The following MFN1 variants were observed in gnomAD, a reference collection of about 807,000 sequenced individuals.
MFN1 encodes mitofusin-1.
A neutral mutation model predicts 92.4 loss-of-function variants in MFN1; 65 were observed. The ratio of observed to expected loss-of-function variants is 0.70; its 90% CI spans 0.58 to 0.86. The LOEUF is 0.86. MFN1 is among the 40% of genes least tolerant of loss of function. MFN1 has a pLI of 0.00. For missense variants in MFN1, 781 were observed against 868.0 expected (o/e 0.90, Z 1.26); for synonymous variants, 297 against 300.9 (o/e 0.99, Z 0.13).
At chr3:179,374,528 C>CT (rs1052112107) in intron 9 of MFN1, among the ~76,000 whole-genome samples, 10 of 151,502 alleles carry the variant, frequency 6.6e-5, no homozygotes, top group African/African-American at 2.4e-4. Flanking sequence ...TTATAAAACA[C>CT]TGATTTATAA....
At position 179,386,604 on chromosome 3, in the gene MFN1, G is replaced by A. The variant is rs140387465; in HGVS notation, c.1987G>A (p.Ala663Thr). The change falls in exon 16 of 18, where the codon GCA becomes ACA. Residue 663 changes from alanine to threonine, a missense_variant. Physicochemically the swap from Ala to Thr is moderately conservative, Grantham distance 58 (BLOSUM62 0). Coordinates refer to ENST00000471841, the MANE Select transcript of MFN1 (RefSeq NM_033540.3). ...KLRMIVSSTS[A>T]NCSHQVKQQI... The stretch of plus-strand genomic sequence containing the variant: ...GAGGATGATTGTTAGCTCCACGAGT[G>A]CAAACTGCAGTCACCAAGTAAAACA... 5 of 1,610,884 alleles carry A rather than the reference G, an allele frequency of 3.1e-6. No individual in the cohort carries two copies. In the African/African-American group the frequency reaches 5.4e-5, roughly 17 times the overall value.
In MFN1 at chr3:179,392,224, T is replaced by C. The variant is rs758379981; in HGVS notation, c.*165T>C. On this transcript the variant is annotated 3_prime_UTR_variant, in exon 18 of 18. Coordinates refer to ENST00000471841, the MANE Select transcript of MFN1 (RefSeq NM_033540.3). ...AATGATCTGTCTCAGGGTATGTGTA[T>C]TTTTGAAGAGTGTTATGTCCTTAGT... The C allele has an allele frequency of 8.8e-5, 43 of 490,396 alleles. No homozygotes were observed. The highest frequency in any genetic ancestry group is 1.5e-4 in the Non-Finnish European group (40 of 272,340). The allele number at this position is 490,396 out of a possible 1,614,324, so 30.4% of individuals were successfully genotyped here.
chr3:179,382,844 G>A (rs957361614), intron 14 of MFN1, among the ~76,000 whole-genome samples: 7 of 152,144 alleles, frequency 4.6e-5, no homozygotes, highest in Admixed American at 2.0e-4. Flanking sequence ...ATTTTTTCAC[G>A]TGTCTATTGG....
At position 179,393,353 on chromosome 3, in the gene MFN1, A is replaced by C. The variant is rs1208471419; in HGVS notation, c.*1294A>C. ...TTGTTAGAAATGCACAATCCCGGGG[A>C]ACGCAGTACATTTGGCCACATGTAG... On this transcript the variant is annotated 3_prime_UTR_variant, in exon 18 of 18. Transcript: ENST00000471841. The C allele has an allele frequency of 6.6e-6, 1 of 152,190 alleles. No individual in the cohort carries two copies. The highest frequency in any genetic ancestry group is 1.5e-5 in the Non-Finnish European group (1 of 68,022). The allele number at this position is 152,190 out of a possible 1,614,324, so 9.4% of individuals were successfully genotyped here. A position where few individuals can be genotyped will look rare whatever the true frequency, so the allele number is the denominator to read the frequency against.
At chr3:179,378,926 ATC>A in intron 14 of MFN1, 112 bp downstream of exon 14, 1 of 794,570 alleles carries the variant, frequency 1.3e-6, no homozygotes, top group Admixed American at 2.9e-5. Flanking sequence ...GCTAGTATCT[ATC>A]TCTTAGAGCC....
chr3:179,367,370 G>T, intron 7 of MFN1, 69 bp from the exon 8 acceptor site: 1 of 1,343,454 alleles, frequency 7.4e-7, no homozygotes, highest in Non-Finnish European at 1.0e-6. Flanking sequence ...AGTAAGTATT[G>T]GTCTATAGTC....
chr3:179,352,565 A>T (rs1016111967), intron 3 of MFN1, among the ~76,000 whole-genome samples: 1 of 152,246 alleles, frequency 6.6e-6, no homozygotes, highest in African/African-American at 2.4e-5. Flanking sequence ...CAGTAATGGC[A>T]TCTCCGCCAA....
chr3:179,351,045 TCTGCCCACTTCGGC>T (rs1445051381), intron 2 of MFN1, among the ~76,000 whole-genome samples: 2 of 152,196 alleles, frequency 1.3e-5, no homozygotes, highest in Non-Finnish European at 2.9e-5. Flanking sequence ...CCTCAAGGGA[TCTGCCCACTTCGGC>T]CTCCCAAAGT....
In MFN1 at chr3:179,351,911, A is replaced by C; in HGVS notation, c.124A>C (p.Asn42His). Residue 42 changes from asparagine (N) to histidine (H), a missense_variant, in exon 3 of 18, where the codon AAT (asparagine) becomes CAT (histidine). Transcript: ENST00000471841. ...GSHFVEATYK[N>H]PELDRIATED... ...TTTCAATTTTGCAGCAACATATAAG[A>C]ATCCGGAACTTGATCGAATAGCCAC... 1 of 1,602,904 alleles carries C rather than the reference A, an allele frequency of 6.2e-7. No individual in the cohort carries two copies. The highest frequency in any genetic ancestry group is 8.5e-7 in the Non-Finnish European group (1 of 1,172,734).
chr3:179,358,981 A>G lies in MFN1; in HGVS notation c.390A>G (p.Ser130=), dbSNP rs1265942690. The change falls in exon 4 of 18, where the codon TCA becomes TCG. Residue 130 remains serine (S), a synonymous_variant. Transcript: ENST00000471841. ...GDKAYLMTEG[S]DEKKSVKTVN... is the part of the protein sequence containing the mutation. ...AAGCCTATCTTATGACAGAAGGATC[A>G]GATGAAAAAAAGAGTGTGAAGGTAT... is the stretch of plus-strand genomic sequence containing the variant. 1.2e-6 allele frequency: 2 copies of G among 1,613,924 alleles called. No individual in the cohort carries two copies. Among genetic ancestry groups the G allele is most frequent in the Admixed American group, 3.3e-5 (2 of 59,964 alleles).
chr3:179,366,724 T>G (rs1227170948), intron 7 of MFN1, among the ~76,000 whole-genome samples: 1 of 152,208 alleles, frequency 6.6e-6, no homozygotes, highest in Non-Finnish European at 1.5e-5. Context: ...TTATTTTTCC[T>G]TAAATATTTC....
chr3:179,363,501 T>C (rs141495339), intron 5 of MFN1, among the ~76,000 whole-genome samples: 147 of 152,300 alleles, frequency 9.7e-4, no homozygotes, highest in African/African-American at 3.4e-3. Context: ...GTGATTTTTT[T>C]TTTTTTCGGA....
intron 14 of MFN1, among the ~76,000 whole-genome samples, chr3:179,382,302 A>G (rs1361316534): frequency 2.0e-5 from 3 of 152,042 alleles, no homozygotes; most frequent in East Asian, 1.9e-4. Flanking sequence ...ATTCCCACCT[A>G]TGAGTGAGAA....
chr3:179,361,215 C>T (rs995483267), intron 4 of MFN1, among the ~76,000 whole-genome samples: 8 of 152,186 alleles, frequency 5.3e-5, no homozygotes, highest in Non-Finnish European at 1.0e-4. Flanking sequence ...TCAAACTTCT[C>T]GTGACTTCAG....
intron 6 of MFN1, 132 bp from the exon 7 acceptor site, chr3:179,364,986 A>G (rs1475771491): frequency 2.1e-5 from 10 of 467,658 alleles, no homozygotes; most frequent in Non-Finnish European, 1.5e-5. Context: ...TAATGCTCAT[A>G]GAGTGCTTTG....
rs200415121 is a variant in MFN1 at position 179,390,069 on chromosome 3, A to G, written c.2078A>G (p.Glu693Gly). ...GATATTACTCAAAAACAGCTGGAAGAAGAAATTGCTAGATTACCCAAAGAA... is the reference window on the plus strand; with the variant it reads ...GATATTACTCAAAAACAGCTGGAAGGAGAAATTGCTAGATTACCCAAAGAA... ...QVDITQKQLEEEIARLPKEID... is the reference protein window; with the variant it reads ...QVDITQKQLEGEIARLPKEID... Residue 693 changes from glutamate to glycine, a missense_variant, in exon 17 of 18, where the codon GAA (glutamate) becomes GGA (glycine). By Grantham distance (98) the Glu-to-Gly change is moderately conservative (BLOSUM62 -2). Transcript: ENST00000471841. The G allele has an allele frequency of 6.6e-5, 106 of 1,607,018 alleles. No homozygotes were observed. The highest frequency in any genetic ancestry group is 8.5e-5 in the Admixed American group (5 of 59,084).
At chr3:179,380,003 C>T (rs930555057) in intron 14 of MFN1, among the ~76,000 whole-genome samples, 1 of 152,138 alleles carries the variant, frequency 6.6e-6, no homozygotes, top group Non-Finnish European at 1.5e-5. Flanking sequence ...GCAGTGAACA[C>T]GTGCCACTTA....
chr3:179,377,381 CTGTT>C lies in MFN1; in HGVS notation c.1264_1267del (p.Val422TrpfsTer16). 1.2e-6 allele frequency: 2 copies of C among 1,609,726 alleles called. No homozygotes were observed. Among genetic ancestry groups the C allele is most frequent in the Non-Finnish European group, 1.7e-6 (2 of 1,178,464 alleles). On this transcript the variant is annotated frameshift_variant, in exon 12 of 18. Transcript: ENST00000471841. LOFTEE classifies it high-confidence loss of function. ...ATGACAGATGAAATTTGTCGACTGT[CTGTT>C]TTGGTTGATGAATTTTGTTCAGAGT...
chr3:179,362,737 G>A (rs1712632520), intron 5 of MFN1, among the ~76,000 whole-genome samples: 1 of 152,096 alleles, frequency 6.6e-6, no homozygotes, highest in Non-Finnish European at 1.5e-5. Flanking sequence ...GCAGTGCCAC[G>A]ATCTTGGCTC....
Sources: allele counts gnomAD v4.1 joint callset (sites outside exome capture counted in the v4.1 genomes callset), GRCh38; gene constraint gnomAD v4.1.1; transcripts MANE v1.5; gene names NCBI Gene and HGNC (gene_info 2026-07-23, HGNC 2026-07-21).